SMIM20: variants seen among roughly 807,000 people sequenced by gnomAD.
SMIM20 encodes small integral membrane protein 20.
SMIM20 carries 3 observed loss-of-function variants against 8.7 expected under a neutral mutation model. The observed-to-expected ratio is 0.34, with a 90% CI of 0.16 to 0.89. The LOEUF (loss-of-function observed/expected upper bound fraction) is 0.89, where lower values mean the gene tolerates loss of function less well. Ranked by LOEUF, SMIM20 falls within the 40% of genes least tolerant of loss-of-function variation. The pLI is 0.49. For synonymous variants in SMIM20, 44 were observed against 33.6 expected, an observed-to-expected ratio of 1.31 and a Z score of -1.07; for missense variants, 85 against 84.8, an observed-to-expected ratio of 1.00 and a Z score of -0.01.
chr4:25,916,166 T>C lies in SMIM20; in HGVS notation c.109+1744T>C, dbSNP rs180968786. Among the ~76,000 whole-genome samples the C allele has an allele frequency of 1.9e-4, 29 of 152,294 alleles. 1 individual carries two copies. The highest frequency in any genetic ancestry group is 1.4e-3 in the Admixed American group (21 of 15,298). On this transcript the variant is annotated intron_variant, in intron 1 of 2. Coordinates refer to ENST00000506197, the MANE Select transcript of SMIM20 (RefSeq NM_001145432.3). ...ATTTAGTGAATGTAACTATAATATC[T>C]GCATTTTTAACTAGAAGGCAGGCAG...
intron 1 of SMIM20, among the ~76,000 whole-genome samples, chr4:25,922,690 C>T (rs1409099102): frequency 2.6e-5 from 4 of 152,168 alleles, no homozygotes; most frequent in African/African-American, 9.7e-5. Flanking sequence ...GCCCATCATT[C>T]TTGGATGGAC....
At chr4:25,915,853 A>T (rs1364693389) in intron 1 of SMIM20, among the ~76,000 whole-genome samples, 13 of 10,188 alleles carry the variant, frequency 1.3e-3, no homozygotes, top group African/African-American at 3.9e-3. Context: ...ACAACTTGGG[A>T]TGGGGCGGGG....
intron 1 of SMIM20, among the ~76,000 whole-genome samples, chr4:25,927,771 G>C (rs577014284): frequency 2.0e-5 from 3 of 152,190 alleles, no homozygotes; most frequent in Non-Finnish European, 4.4e-5. Flanking sequence ...TGTGCTAATT[G>C]GCGCAGCACC....
At chr4:25,922,456 C>T (rs1177521504) in intron 1 of SMIM20, among the ~76,000 whole-genome samples, 3 of 152,186 alleles carry the variant, frequency 2.0e-5, no homozygotes, top group African/African-American at 7.2e-5. Context: ...CTTTGTGACA[C>T]AGGAAGTCAG....
At position 25,929,758 on chromosome 4, in the gene SMIM20, A is replaced by G. The variant is rs1711599638; in HGVS notation, c.*567A>G. 6.6e-6 allele frequency: 1 copy of G among 152,288 alleles called. No homozygotes were observed. The highest frequency in any genetic ancestry group is 1.5e-5 in the Non-Finnish European group (1 of 68,062). The allele number at this position is 152,288 out of a possible 1,614,324, so 9.4% of individuals were successfully genotyped here. ...ACTAGATGCATACACTTGTGTAGAAATCAATAATCAATTAATAGAAGTGAA... is the reference window on the plus strand; with the variant it reads ...ACTAGATGCATACACTTGTGTAGAAGTCAATAATCAATTAATAGAAGTGAA... On this transcript the variant is annotated 3_prime_UTR_variant, in exon 3 of 3. Coordinates refer to ENST00000506197, the MANE Select transcript of SMIM20 (RefSeq NM_001145432.3).
chr4:25,922,346 C>T (rs1445565288), intron 1 of SMIM20, among the ~76,000 whole-genome samples: 1 of 152,170 alleles, frequency 6.6e-6, no homozygotes, highest in Non-Finnish European at 1.5e-5. Flanking sequence ...AGGCAAGGCA[C>T]CTCTTCCACC....
chr4:25,918,958 G>C (rs1044238604), intron 1 of SMIM20, among the ~76,000 whole-genome samples: 53 of 123,956 alleles, frequency 4.3e-4, no homozygotes, highest in Admixed American at 1.3e-3. Flanking sequence ...ACTGCGGACT[G>C]CAGTGGCGCA....
chr4:25,929,059 G>A (rs1577363206), intron 2 of SMIM20, 95 bp from the exon 3 acceptor site: 2 of 1,440,966 alleles, frequency 1.4e-6, no homozygotes, highest in African/African-American at 1.4e-5. Context: ...AAATTGCACA[G>A]CTCAGTTCTG....
At chr4:25,928,771 G>A (rs1020247618) in intron 2 of SMIM20, among the ~76,000 whole-genome samples, 1 of 152,212 alleles carries the variant, frequency 6.6e-6, no homozygotes, top group East Asian at 1.9e-4. Flanking sequence ...CTTTGCACAA[G>A]GGCTAAAAAG....
chr4:25,924,830 A>G (rs551390102), intron 1 of SMIM20, among the ~76,000 whole-genome samples: 3 of 152,316 alleles, frequency 2.0e-5, no homozygotes, highest in African/African-American at 7.2e-5. Flanking sequence ...GTGCTATTAC[A>G]GTTGGAGCAT....
chr4:25,919,484 A>ACC (rs1719159434), intron 1 of SMIM20, among the ~76,000 whole-genome samples: 1 of 148,976 alleles, frequency 6.7e-6, no homozygotes, highest in South Asian at 2.2e-4. Context: ...GATTACAGGC[A>ACC]CATGCCACCA....
intron 1 of SMIM20, among the ~76,000 whole-genome samples, chr4:25,924,617 G>A (rs1428351089): frequency 6.6e-6 from 1 of 152,048 alleles, no homozygotes; most frequent in Non-Finnish European, 1.5e-5. Flanking sequence ...ATAACATACA[G>A]ATACATACAT....
intron 1 of SMIM20, among the ~76,000 whole-genome samples, chr4:25,919,759 A>G (rs1719165804): frequency 6.6e-6 from 1 of 152,104 alleles, no homozygotes; most frequent in Non-Finnish European, 1.5e-5. Context: ...TTGTTCTTTT[A>G]TAAAGTTTAG....
chr4:25,914,342 T>C lies in SMIM20; in HGVS notation c.29T>C (p.Ile10Thr). ...TCCCGGAACCTGCGCACCGCGCTCA[T>C]TTTCGGCGGCTTCATCTCCCTGATC... is the stretch of plus-strand genomic sequence containing the variant. MSRNLRTALIFGGFISLIGA... is the reference protein window; with the variant it reads MSRNLRTALTFGGFISLIGA... Residue 10 changes from isoleucine (I) to threonine (T), a missense_variant, in exon 1 of 3, where the codon ATT becomes ACT. By Grantham distance (89) the Ile-to-Thr change is moderately conservative. Coordinates refer to ENST00000506197, the MANE Select transcript of SMIM20 (RefSeq NM_001145432.3). The C allele has an allele frequency of 6.4e-7, 1 of 1,550,494 alleles. No individual in the cohort carries two copies. Among genetic ancestry groups the C allele is most frequent in the Non-Finnish European group, 8.7e-7 (1 of 1,146,222 alleles).
chr4:25,927,696 A>T (rs1304353708), intron 1 of SMIM20, among the ~76,000 whole-genome samples: 1 of 152,244 alleles, frequency 6.6e-6, no homozygotes, highest in African/African-American at 2.4e-5. Flanking sequence ...TGAAATGCCC[A>T]ATTTCTCTTG....
intron 1 of SMIM20, among the ~76,000 whole-genome samples, chr4:25,916,557 G>A (rs1348866186): frequency 1.3e-5 from 2 of 149,418 alleles, no homozygotes; most frequent in African/African-American, 4.9e-5. Flanking sequence ...TCTGGGGATC[G>A]TAACTGATTC....
chr4:25,922,052 A>G (rs1320069885), intron 1 of SMIM20, among the ~76,000 whole-genome samples: 2 of 152,224 alleles, frequency 1.3e-5, no homozygotes, highest in East Asian at 3.8e-4. Context: ...AGTGGTTTGG[A>G]AGTAGGCAGA....
chr4:25,922,726 C>A (rs1228483926), intron 1 of SMIM20, among the ~76,000 whole-genome samples: 1 of 152,156 alleles, frequency 6.6e-6, no homozygotes, highest in African/African-American at 2.4e-5. Flanking sequence ...TCCCTGAGAA[C>A]TGGGTTACTG....
intron 2 of SMIM20, 149 bp downstream of exon 2, chr4:25,928,518 T>G: frequency 1.3e-6 from 1 of 780,510 alleles, no homozygotes; most frequent in East Asian, 3.0e-5. Context: ...TCTCAACAGT[T>G]GCCATTTATA....
Sources: gnomAD v4.1 joint callset for allele counts (sites outside exome capture counted in the v4.1 genomes callset) on GRCh38, gnomAD v4.1.1 for gene constraint, MANE v1.5 for transcripts, NCBI Gene and HGNC (gene_info 2026-07-23, HGNC 2026-07-21) for gene names.